SPAG9: variants seen among roughly 807,000 people sequenced by gnomAD.
SPAG9 encodes the protein sperm associated antigen 9.
A neutral mutation model predicts 166.5 loss-of-function variants in SPAG9; 35 were observed. The ratio of observed to expected loss-of-function variants is 0.21; its 90% confidence interval spans 0.16 to 0.28. SPAG9 has a LOEUF of 0.28. Ranked by LOEUF, SPAG9 falls within the 10% of genes least tolerant of loss-of-function variation. SPAG9 has a pLI of 1.00. For synonymous variants in SPAG9, 534 were observed against 565.5 expected (o/e 0.94, Z 0.79); for missense variants, 1,235 against 1,603.3 (o/e 0.77, Z 3.92).
intron 3 of SPAG9, among the ~76,000 whole-genome samples, chr17:51,053,689 A>AC (rs1231409732): frequency 4.9e-5 from 7 of 141,786 alleles, no homozygotes; most frequent in East Asian, 2.0e-4. Context: ...CATCACACAC[A>AC]AAAAAAAAAA....
Position 50,966,181 on chromosome 17 carries a change from A to C in SPAG9, c.*91T>G. 2.4e-6 allele frequency: 2 copies of C among 826,278 alleles called. No homozygotes were observed. Among genetic ancestry groups the C allele is most frequent in the Non-Finnish European group, 4.2e-6 (2 of 475,096 alleles). The allele number at this position is 826,278 out of a possible 1,614,324, so 51.2% of individuals were successfully genotyped here. A position where few individuals can be genotyped will look rare whatever the true frequency, so the allele number is the denominator to read the frequency against. ...GCTCACACATTATGTGGTGAAACTTATCTCACAAAAGAGCATTAAATAAAA... is the reference window on the plus strand; with the variant it reads ...GCTCACACATTATGTGGTGAAACTTCTCTCACAAAAGAGCATTAAATAAAA... On this transcript the variant is annotated 3_prime_UTR_variant, in exon 30 of 30. Transcript: ENST00000262013.
chr17:51,062,806 T>TCCTGAC (rs2047554819), intron 2 of SPAG9, among the ~76,000 whole-genome samples: 1 of 151,974 alleles, frequency 6.6e-6, no homozygotes, highest in Non-Finnish European at 1.5e-5. Flanking sequence ...GCCAGGCTGG[T>TCCTGAC]CTCGAACTCC....
chr17:51,047,119 T>A (rs540260323), intron 4 of SPAG9, among the ~76,000 whole-genome samples: 1 of 152,336 alleles, frequency 6.6e-6, no homozygotes, highest in South Asian at 2.1e-4. Context: ...AAACCTAGTA[T>A]AATCTCCATC....
In SPAG9 at chr17:50,964,869, C is replaced by T. The variant is rs974712427; in HGVS notation, c.*1403G>A. ...CTGGGCCCAGGTCATCCTCCCACCT[C>T]AGCCTCCCAAGTAGCTGGGACTACA... is the stretch of plus-strand genomic sequence containing the variant. On this transcript the variant is annotated 3_prime_UTR_variant, in exon 30 of 30. Coordinates refer to ENST00000262013, the MANE Select transcript of SPAG9 (RefSeq NM_001130528.3). 46 of 272,178 alleles carry T rather than the reference C, an allele frequency of 1.7e-4. No individual in the cohort carries two copies. Among genetic ancestry groups the T allele is most frequent in the African/African-American group, 9.9e-4 (43 of 43,318 alleles). 16.9% of individuals were successfully genotyped at this position (272,178 alleles called of 1,614,324 possible).
At chr17:51,021,642 CAA>C (rs1456989656) in intron 6 of SPAG9, among the ~76,000 whole-genome samples, 1 of 151,988 alleles carries the variant, frequency 6.6e-6, no homozygotes, top group African/African-American at 2.4e-5. Context: ...ACATTAATGT[CAA>C]TATCATTCTT....
At chr17:50,985,043 A>G (rs1974945259) in intron 23 of SPAG9, 53 bp from the exon 24 acceptor site, 2 of 1,502,558 alleles carry the variant, frequency 1.3e-6, no homozygotes, top group African/African-American at 2.8e-5. Flanking sequence ...TACAGAAGGG[A>G]CCACATGCTA....
At chr17:51,070,409 A>C (rs1782886619) in intron 2 of SPAG9, among the ~76,000 whole-genome samples, 2 of 152,236 alleles carry the variant, frequency 1.3e-5, no homozygotes, top group Admixed American at 6.5e-5. Context: ...AGAAATGGCC[A>C]AACTATTATA....
At chr17:51,072,151 A>C (rs2047837282) in intron 2 of SPAG9, among the ~76,000 whole-genome samples, 1 of 151,976 alleles carries the variant, frequency 6.6e-6, no homozygotes, top group Admixed American at 6.6e-5. Context: ...GGCTCAATGC[A>C]ACCTCCGCCT....
At chr17:51,115,032 T>C (rs1432156789) in intron 1 of SPAG9, among the ~76,000 whole-genome samples, 1 of 151,818 alleles carries the variant, frequency 6.6e-6, no homozygotes, top group Non-Finnish European at 1.5e-5. Context: ...TGCCCATGAG[T>C]CTTACGGGTC....
chr17:51,094,083 T>C (rs2048546960), intron 1 of SPAG9, among the ~76,000 whole-genome samples: 1 of 152,142 alleles, frequency 6.6e-6, no homozygotes, highest in Non-Finnish European at 1.5e-5. Context: ...ATATCTAGGC[T>C]TACCTACCAC....
chr17:51,085,126 GCGTAAGC>G (rs1288007000), intron 1 of SPAG9, among the ~76,000 whole-genome samples: 1 of 152,098 alleles, frequency 6.6e-6, no homozygotes, highest in Non-Finnish European at 1.5e-5. Flanking sequence ...GGGATTACAG[GCGTAAGC>G]CACCGCACCC....
chr17:50,982,167 G>C (rs1289744487), intron 25 of SPAG9, among the ~76,000 whole-genome samples: 2 of 152,160 alleles, frequency 1.3e-5, no homozygotes, highest in African/African-American at 2.4e-5. Context: ...GATTACACGT[G>C]GGGAGGACAG....
chr17:51,021,887 G>A (rs1209150165), intron 6 of SPAG9, among the ~76,000 whole-genome samples: 2 of 152,096 alleles, frequency 1.3e-5, no homozygotes, highest in Non-Finnish European at 2.9e-5. Flanking sequence ...CACTTTGGGA[G>A]GCCGAGGCAG....
intron 4 of SPAG9, among the ~76,000 whole-genome samples, chr17:51,045,145 G>C (rs56372978): frequency 3.3e-4 from 51 of 152,262 alleles, no homozygotes; most frequent in African/African-American, 1.2e-3. Flanking sequence ...CTACGGCCAC[G>C]TGCAATAGAG....
chr17:51,063,998 A>G (rs2047591897), intron 2 of SPAG9, among the ~76,000 whole-genome samples: 1 of 152,228 alleles, frequency 6.6e-6, no homozygotes, highest in South Asian at 2.1e-4. Context: ...ATATCTACAT[A>G]AATTAGACGT....
intron 27 of SPAG9, among the ~76,000 whole-genome samples, chr17:50,975,682 G>A (rs1281982386): frequency 2.0e-5 from 3 of 151,594 alleles, no homozygotes; most frequent in Non-Finnish European, 2.9e-5. Flanking sequence ...CTAAGCTGCT[G>A]AGCAGTTTGG....
intron 4 of SPAG9, chr17:51,042,646 T>TCC (rs1376252645): frequency 6.6e-6 from 1 of 152,226 alleles, no homozygotes; most frequent in African/African-American, 2.4e-5. Flanking sequence ...ATTCTGTAGT[T>TCC]CATTTTTATT....
At position 51,004,824 on chromosome 17, in the gene SPAG9, A is replaced by G. The variant is rs550732810; in HGVS notation, c.1476+388T>C. Among the ~76,000 whole-genome samples, 36 of 152,372 alleles carry G rather than the reference A, an allele frequency of 2.4e-4. No individual in the cohort carries two copies. The South Asian group carries it at 7.0e-3, about 30-fold the overall frequency. ...TCACAACAATATGAACTAATTGACT[A>G]GTACTAAAGTTCTAGACTTCATCTT... is the stretch of plus-strand genomic sequence containing the variant. On this transcript the variant is annotated intron_variant, in intron 12 of 29. Coordinates refer to ENST00000262013, the MANE Select transcript of SPAG9 (RefSeq NM_001130528.3).
At chr17:51,090,685 C>A (rs1429509060) in intron 1 of SPAG9, among the ~76,000 whole-genome samples, 1 of 152,058 alleles carries the variant, frequency 6.6e-6, no homozygotes, top group Admixed American at 6.6e-5. Context: ...TAAAAAAGAT[C>A]GATTTACAAA....
Sources: gnomAD v4.1 joint callset for allele counts (sites outside exome capture counted in the v4.1 genomes callset) on GRCh38, gnomAD v4.1.1 for gene constraint, MANE v1.5 for transcripts, NCBI Gene and HGNC (gene_info 2026-07-23, HGNC 2026-07-21) for gene names.